Variants in LMO1 observed in about 807,000 individuals in gnomAD.
The protein encoded by LMO1 is LIM domain only 1.
In LMO1, 10 loss-of-function variants were observed where a neutral mutation model predicts 18.0. That is an observed-to-expected ratio of 0.55 (90% CI 0.34 to 0.94). The LOEUF (loss-of-function observed/expected upper bound fraction) is 0.94. Ranked by LOEUF, LMO1 falls within the 40% of genes least tolerant of loss-of-function variation. LMO1 has a pLI of 0.02. For missense variants in LMO1, 183 were observed against 205.7 expected, an observed-to-expected ratio of 0.89 and a Z score of 0.68; for synonymous variants, 77 against 77.9, an observed-to-expected ratio of 0.99 and a Z score of 0.06.
At chr11:8,250,250 A>G (rs1257244112) in intron 1 of LMO1, among the ~76,000 whole-genome samples, 1 of 152,234 alleles carries the variant, frequency 6.6e-6, no homozygotes, top group East Asian at 1.9e-4. Flanking sequence ...AAACTTTGTC[A>G]GGAAGATTTG....
intron 1 of LMO1, among the ~76,000 whole-genome samples, chr11:8,256,879 A>G (rs1383426410): frequency 6.6e-6 from 1 of 152,254 alleles, no homozygotes; most frequent in Admixed American, 6.5e-5. Flanking sequence ...CTCAGGCAGG[A>G]TGCCAGGGTA....
At chr11:8,237,936 A>T (rs1001477297) in intron 1 of LMO1, among the ~76,000 whole-genome samples, 5 of 152,376 alleles carry the variant, frequency 3.3e-5, no homozygotes, top group Middle Eastern at 3.4e-3. Context: ...CCTACTTTAA[A>T]GGATTGAGGA....
At chr11:8,254,490 A>C (rs371069946) in intron 1 of LMO1, among the ~76,000 whole-genome samples, 1 of 152,214 alleles carries the variant, frequency 6.6e-6, no homozygotes, top group Non-Finnish European at 1.5e-5. Context: ...CTGCATCTGC[A>C]TATATGCTCA....
At chr11:8,235,371 G>C (rs1008520879) in intron 1 of LMO1, among the ~76,000 whole-genome samples, 2 of 152,108 alleles carry the variant, frequency 1.3e-5, no homozygotes, top group Non-Finnish European at 1.5e-5. Flanking sequence ...AATCATTTGA[G>C]AGTTGGTTTC....
chr11:8,234,471 C>G (rs571997239), intron 1 of LMO1, among the ~76,000 whole-genome samples: 1 of 152,156 alleles, frequency 6.6e-6, no homozygotes, highest in Admixed American at 6.5e-5. Flanking sequence ...AGCTCCAGCA[C>G]GTGGACTTTC....
At chr11:8,238,360 G>A (rs942360709) in intron 1 of LMO1, among the ~76,000 whole-genome samples, 7 of 152,182 alleles carry the variant, frequency 4.6e-5, no homozygotes, top group African/African-American at 7.2e-5. Flanking sequence ...AGGCAAAACC[G>A]ATCTGATGTC....
intron 1 of LMO1, among the ~76,000 whole-genome samples, chr11:8,251,081 G>C (rs1014180847): frequency 6.6e-6 from 1 of 152,178 alleles, no homozygotes; most frequent in African/African-American, 2.4e-5. Flanking sequence ...CAGTGAAAGA[G>C]AAAGAGACCT....
chr11:8,256,991 C>T (rs115543165), intron 1 of LMO1, among the ~76,000 whole-genome samples: 237 of 152,274 alleles, frequency 1.6e-3, no homozygotes, highest in African/African-American at 5.1e-3. Context: ...TCCAGAGTCC[C>T]AGATGAATGC....
intron 1 of LMO1, among the ~76,000 whole-genome samples, chr11:8,232,972 A>C (rs1001627399): frequency 6.6e-6 from 1 of 152,080 alleles, no homozygotes; most frequent in Non-Finnish European, 1.5e-5. Context: ...CAATCTCTTC[A>C]CTGGAGGCAT....
chr11:8,247,167 C>G (rs80307597), intron 1 of LMO1, among the ~76,000 whole-genome samples: 3,332 of 152,304 alleles, frequency 0.022, 52 homozygotes, highest in African/African-American at 0.046. Flanking sequence ...GCAGGGGGGT[C>G]CCTCTTTCAG....
At chr11:8,232,042 G>C (rs1369913564) in intron 1 of LMO1, among the ~76,000 whole-genome samples, 1 of 152,144 alleles carries the variant, frequency 6.6e-6, no homozygotes, top group African/African-American at 2.4e-5. Flanking sequence ...GCTGGCCCCA[G>C]GGCTCCTTCT....
intron 1 of LMO1, among the ~76,000 whole-genome samples, chr11:8,241,726 A>G (rs971930645): frequency 1.3e-5 from 2 of 151,624 alleles, no homozygotes; most frequent in African/African-American, 4.9e-5. Flanking sequence ...CCCACACTTC[A>G]GTAATTTCCT....
intron 1 of LMO1, among the ~76,000 whole-genome samples, chr11:8,250,432 T>C (rs1236043892): frequency 6.6e-6 from 1 of 152,242 alleles, no homozygotes; most frequent in Non-Finnish European, 1.5e-5. Flanking sequence ...GTAGAAGGCA[T>C]ATTTTAGCAG....
intron 1 of LMO1, among the ~76,000 whole-genome samples, chr11:8,260,375 C>T: frequency 6.6e-6 from 1 of 152,150 alleles, no homozygotes; most frequent in Non-Finnish European, 1.5e-5. Context: ...ACAGGCAGAC[C>T]CAGCAGCATG....
intron 1 of LMO1, among the ~76,000 whole-genome samples, chr11:8,250,855 G>T (rs1229224435): frequency 3.3e-5 from 5 of 152,180 alleles, no homozygotes; most frequent in African/African-American, 1.2e-4. Flanking sequence ...GATGTAATTG[G>T]GGTACTCTCA....
intron 1 of LMO1, among the ~76,000 whole-genome samples, chr11:8,238,651 A>G (rs1009686814): frequency 6.8e-6 from 1 of 146,144 alleles, no homozygotes; most frequent in African/African-American, 2.5e-5. Flanking sequence ...AGCCTGGGCG[A>G]CAGAGTGAGA....
upstream of LMO1, chr11:8,268,545 C>T: frequency 2.8e-6 from 3 of 1,088,436 alleles, no homozygotes; most frequent in Non-Finnish European, 3.5e-6. Flanking sequence ...CCGCCGGCCC[C>T]GCGCGGGCGC....
At chr11:8,266,792 G>A (rs544763426), upstream of LMO1, among the ~76,000 whole-genome samples, 2 of 152,364 alleles carry the variant, frequency 1.3e-5, no homozygotes, top group East Asian at 3.9e-4. Flanking sequence ...ACTGTCAGAT[G>A]TGCCTCAGCC....
At chr11:8,256,279 G>A (rs2134579554) in intron 1 of LMO1, among the ~76,000 whole-genome samples, 1 of 152,348 alleles carries the variant, frequency 6.6e-6, no homozygotes, top group East Asian at 1.9e-4. Context: ...TTTATCAAGT[G>A]TGTGCTTGGA....
Sources: allele counts gnomAD v4.1 joint callset (sites outside exome capture counted in the v4.1 genomes callset), GRCh38; gene constraint gnomAD v4.1.1; transcripts MANE v1.5; gene names NCBI Gene and HGNC (gene_info 2026-07-23, HGNC 2026-07-21).